Variants in IRF6 observed in about 807,000 individuals in gnomAD.
IRF6 encodes interferon regulatory factor 6.
IRF6 carries 6 observed loss-of-function variants against 51.4 expected under a neutral mutation model. The observed-to-expected ratio is 0.12, with a 90% confidence interval of 0.06 to 0.23. The LOEUF is 0.23. IRF6 is among the 10% of genes least tolerant of loss of function. IRF6 has a pLI of 1.00. For synonymous variants in IRF6, 178 were observed against 215.7 expected, an observed-to-expected ratio of 0.83 and a Z score of 1.53; for missense variants, 348 against 585.2, an observed-to-expected ratio of 0.59 and a Z score of 4.18.
At chr1:209,803,061 G>A (rs2077953402) in intron 1 of IRF6, among the ~76,000 whole-genome samples, 1 of 152,200 alleles carries the variant, frequency 6.6e-6, no homozygotes, top group Non-Finnish European at 1.5e-5. Flanking sequence ...GGCACGCAGT[G>A]TTCAAGTACC....
intron 1 of IRF6, among the ~76,000 whole-genome samples, chr1:209,805,134 C>T (rs962148633): frequency 2.5e-4 from 16 of 63,044 alleles, no homozygotes; most frequent in Non-Finnish European, 6.8e-4. Flanking sequence ...TGGGTCAACA[C>T]CAGCTTTCAC....
At chr1:209,802,821 A>T (rs2077951765) in intron 1 of IRF6, among the ~76,000 whole-genome samples, 2 of 152,234 alleles carry the variant, frequency 1.3e-5, no homozygotes, top group Non-Finnish European at 2.9e-5. Flanking sequence ...AAAGAGGTTA[A>T]AAGGGTCAGC....
intron 6 of IRF6, 79 bp downstream of exon 6, chr1:209,792,190 A>C: frequency 6.8e-7 from 1 of 1,474,686 alleles, no homozygotes; most frequent in South Asian, 1.1e-5. Context: ...ATGGCAAAGA[A>C]ATGAAGTTAG....
In IRF6 at chr1:209,792,159, A is replaced by C. The variant is rs560046099; in HGVS notation, c.667+110T>G. 2.5e-6 allele frequency: 3 copies of C among 1,209,100 alleles called. No homozygotes were observed. The East Asian group carries it at 7.1e-5, about 29-fold the overall frequency. The allele number at this position is 1,209,100 out of a possible 1,614,324, so 74.9% of individuals were successfully genotyped here. ...GAAACAGAAACAGAGGATGCCTCTG[A>C]GACAGGTAGTTTTTCAATACATGGC... On this transcript the variant is annotated intron_variant, in intron 6 of 8. Coordinates refer to ENST00000367021, the MANE Select transcript of IRF6 (RefSeq NM_006147.4).
intron 6 of IRF6, among the ~76,000 whole-genome samples, chr1:209,791,648 C>T (rs2077869760): frequency 6.6e-6 from 1 of 152,216 alleles, no homozygotes; most frequent in African/African-American, 2.4e-5. Context: ...CCCTGTTCCA[C>T]AACTGGCCTT....
rs1024327039 is a variant in IRF6, at chr1:209,795,353, C to T, written c.445G>A (p.Glu149Lys). 5.6e-6 allele frequency: 9 copies of T among 1,613,790 alleles called. No homozygotes were observed. Among genetic ancestry groups the T allele is most frequent in the East Asian group, 2.2e-5 (1 of 44,872 alleles). Residue 149 changes from glutamate to lysine, a missense_variant, in exon 5 of 9, where the codon GAG (glutamate) becomes AAG (lysine). By Grantham distance (56) the Glu-to-Lys change is moderately conservative. Transcript: ENST00000367021. ...NDVDEEDEEDELDQSQHHVPI... is the reference protein window; with the variant it reads ...NDVDEEDEEDKLDQSQHHVPI... ...ACATGGTGCTGCGACTGATCCAGCT[C>T]ATCTTCCTCATCTTCTTCATCCACA...
intron 4 of IRF6, 38 bp from the exon 5 acceptor site, chr1:209,795,456 G>C: frequency 6.2e-7 from 1 of 1,612,048 alleles, no homozygotes; most frequent in Non-Finnish European, 8.5e-7. Context: ...GAGCCATTCA[G>C]GTTGCACTGC....
Position 209,788,361 on chromosome 1 carries a change from T to C in IRF6, c.*59A>G. 1.7e-6 allele frequency: 2 copies of C among 1,168,520 alleles called. No individual in the cohort carries two copies. Among genetic ancestry groups the C allele is most frequent in the Non-Finnish European group, 2.5e-6 (2 of 790,138 alleles). 72.4% of individuals were successfully genotyped at this position (1,168,520 alleles called of 1,614,324 possible). A position where few individuals can be genotyped will look rare whatever the true frequency, so the allele number is the denominator to read the frequency against. On this transcript the variant is annotated 3_prime_UTR_variant, in exon 9 of 9. Transcript: ENST00000367021. ...TTAAAAGCTGGTTAAATCTAAACAA[T>C]AAAAAAATCCATATGTACAATATTA... is the stretch of plus-strand genomic sequence containing the variant.
chr1:209,801,590 C>T (rs536715379), intron 2 of IRF6, among the ~76,000 whole-genome samples, 174 bp from the exon 3 acceptor site: 9 of 152,340 alleles, frequency 5.9e-5, no homozygotes, highest in Middle Eastern at 6.8e-3. Flanking sequence ...TTAAAAGGTC[C>T]TTTTTATTCT....
At position 209,786,650 on chromosome 1, in the gene IRF6, C is replaced by T. The variant is rs1255311780; in HGVS notation, c.*1770G>A. On this transcript the variant is annotated 3_prime_UTR_variant, in exon 9 of 9. Transcript: ENST00000367021. Reference sequence around the variant, plus strand: ...CCCGGTCCCTAAAAGCCCAACTTTTCCTCGAAGCTGGGCACCTGACCTTTA... The same window carrying T: ...CCCGGTCCCTAAAAGCCCAACTTTTTCTCGAAGCTGGGCACCTGACCTTTA... 1.3e-5 allele frequency: 2 copies of T among 152,180 alleles called. No individual in the cohort carries two copies. The highest frequency in any genetic ancestry group is 2.9e-5 in the Non-Finnish European group (2 of 68,032). 9.4% of individuals were successfully genotyped at this position (152,180 alleles called of 1,614,324 possible). A position where few individuals can be genotyped will look rare whatever the true frequency, so the allele number is the denominator to read the frequency against.
chr1:209,801,738 A>G (rs1276455561), intron 2 of IRF6, among the ~76,000 whole-genome samples: 1 of 152,264 alleles, frequency 6.6e-6, no homozygotes, highest in African/African-American at 2.4e-5. Flanking sequence ...TCCTTCCTGA[A>G]GCACCAAGGG....
rs1013348802 is a variant in IRF6 at position 209,788,230 on chromosome 1, G to C, written c.*190C>G. ...TACTACCATTAGGAGATTTGAAAAA[G>C]AAAAGCAAAGTCTGAAGGGTGATTT... On this transcript the variant is annotated 3_prime_UTR_variant, in exon 9 of 9. Transcript: ENST00000367021. 8.3e-6 allele frequency: 5 copies of C among 603,758 alleles called. No homozygotes were observed. Among genetic ancestry groups the C allele is most frequent in the Non-Finnish European group, 1.5e-5 (5 of 343,074 alleles). 37.4% of individuals were successfully genotyped at this position (603,758 alleles called of 1,614,324 possible). A position where few individuals can be genotyped will look rare whatever the true frequency, so the allele number is the denominator to read the frequency against.
At chr1:209,792,453 G>A (rs1417629033) in intron 5 of IRF6, 26 bp from the exon 6 acceptor site, 7 of 1,611,430 alleles carry the variant, frequency 4.3e-6, no homozygotes, top group Non-Finnish European at 5.9e-6. Flanking sequence ...ATGGTGAGCA[G>A]ACAGGGGTAC....
At chr1:209,798,514 T>C (rs2077918617) in intron 3 of IRF6, among the ~76,000 whole-genome samples, 1 of 152,162 alleles carries the variant, frequency 6.6e-6, no homozygotes, top group Non-Finnish European at 1.5e-5. Flanking sequence ...AGCCCCAGCC[T>C]TCCTGCTCAC....
In IRF6 at chr1:209,787,305, A is replaced by G. The variant is rs1377652876; in HGVS notation, c.*1115T>C. On this transcript the variant is annotated 3_prime_UTR_variant, in exon 9 of 9. Transcript: ENST00000367021. ...GTGACAGATACAGCTGCATTGTTCT[A>G]TACCACTCTTTACCTTCACTGTTCA... 6.6e-6 allele frequency: 1 copy of G among 152,290 alleles called. No individual in the cohort carries two copies. Among genetic ancestry groups the G allele is most frequent in the African/African-American group, 2.4e-5 (1 of 41,464 alleles). The allele number at this position is 152,290 out of a possible 1,614,324, so 9.4% of individuals were successfully genotyped here. A position where few individuals can be genotyped will look rare whatever the true frequency, so the allele number is the denominator to read the frequency against.
At chr1:209,794,753 A>C (rs761685180) in intron 5 of IRF6, among the ~76,000 whole-genome samples, 13 of 152,182 alleles carry the variant, frequency 8.5e-5, no homozygotes, top group Non-Finnish European at 1.3e-4. Flanking sequence ...CTCCCAACTC[A>C]ATTTTCCTAG....
chr1:209,789,163 TA>T lies in IRF6; in HGVS notation c.1179+503del, dbSNP rs140829322. Among the ~76,000 whole-genome samples the T allele has an allele frequency of 9.1e-3, 1,388 of 152,102 alleles. 28 individuals are homozygous for T. Among genetic ancestry groups the T allele is most frequent in the African/African-American group, 0.032 (1,320 of 41,484 alleles). ...CAACATAGTGAGACCTCATCTCTGC[TA>T]AAAATAAAATTAGGCCAGGCATGGT... On this transcript the variant is annotated intron_variant, in intron 8 of 8. Transcript: ENST00000367021.
At position 209,789,762 on chromosome 1, in the gene IRF6, G is replaced by C; in HGVS notation, c.1084C>G (p.Gln362Glu). 6.2e-7 allele frequency: 1 copy of C among 1,613,758 alleles called. No homozygotes were observed. Among genetic ancestry groups the C allele is most frequent in the Non-Finnish European group, 8.5e-7 (1 of 1,179,844 alleles). The part of the protein sequence containing the change: ...LSDLIAHQKG[Q>E]IEKQPPFEIY... ...TCAAACGGTGGCTGCTTCTCTATCT[G>C]TCCTTTCTGGTGGGCAATGAGATCT... The change falls in exon 8 of 9, where the codon CAG becomes GAG. Residue 362 changes from glutamine to glutamate, a missense_variant. Physicochemically the swap from Gln to Glu is conservative, Grantham distance 29. Transcript: ENST00000367021.
rs550116589 is a variant in IRF6, at chr1:209,791,698, C to T, written c.667+571G>A. On this transcript the variant is annotated intron_variant, in intron 6 of 8. Transcript: ENST00000367021. ...CTGCGTGACTGATAAATCTGGGACT[C>T]CTACCCACCTAAGACCTGAATAACC... is the stretch of plus-strand genomic sequence containing the variant. Among the ~76,000 whole-genome samples, 17 of 152,312 alleles carry T rather than the reference C, an allele frequency of 1.1e-4. No homozygotes were observed. In the South Asian group the frequency reaches 3.5e-3, roughly 32 times the overall value.
Sources: allele counts gnomAD v4.1 joint callset (sites outside exome capture counted in the v4.1 genomes callset), GRCh38; gene constraint gnomAD v4.1.1; transcripts MANE v1.5; gene names NCBI Gene and HGNC (gene_info 2026-07-23, HGNC 2026-07-21).